The following FHIT variants were observed in gnomAD, a reference collection of about 807,000 sequenced individuals.
FHIT encodes bis(5'-adenosyl)-triphosphatase.
Under a neutral mutation model 17.9 loss-of-function variants are expected in FHIT, and 19 were observed. That is an observed-to-expected ratio of 1.06 (90% CI 0.74 to 1.56). FHIT has a LOEUF of 1.56. Among genes scored for constraint, FHIT ranks in the 40% most tolerant of loss-of-function variants. The pLI is 0.00. For missense variants in FHIT, 248 were observed against 189.2 expected (o/e 1.31, Z -1.82); for synonymous variants, 81 against 69.7 (o/e 1.16, Z -0.81).
intron 3 of FHIT, among the ~76,000 whole-genome samples, chr3:60,958,109 C>G (rs1236026035): frequency 2.0e-5 from 3 of 152,216 alleles, no homozygotes; most frequent in Non-Finnish European, 4.4e-5. Context: ...TTACTACAGA[C>G]TCAATATCAC....
At chr3:60,082,819 C>T (rs1304421482) in intron 5 of FHIT, among the ~76,000 whole-genome samples, 1 of 151,832 alleles carries the variant, frequency 6.6e-6, no homozygotes, top group Non-Finnish European at 1.5e-5. Flanking sequence ...TGTAATAGGG[C>T]TGTTTTTTGC....
At chr3:60,829,529 C>T (rs1303457979) in intron 3 of FHIT, among the ~76,000 whole-genome samples, 1 of 151,948 alleles carries the variant, frequency 6.6e-6, no homozygotes, top group Non-Finnish European at 1.5e-5. Context: ...GCCTCAGCCT[C>T]AAATTATTTG....
intron 3 of FHIT, among the ~76,000 whole-genome samples, chr3:60,831,690 A>G (rs1165092579): frequency 6.6e-6 from 1 of 152,198 alleles, no homozygotes; most frequent in African/African-American, 2.4e-5. Flanking sequence ...TAATTTAATC[A>G]TCCTAACAAC....
intron 1 of FHIT, among the ~76,000 whole-genome samples, chr3:61,213,572 C>A (rs1012022563): frequency 1.3e-5 from 2 of 152,110 alleles, no homozygotes; most frequent in Non-Finnish European, 2.9e-5. Context: ...CTTTAACAAC[C>A]CACTGTCAAC....
chr3:60,989,695 T>C (rs376420110), intron 3 of FHIT, among the ~76,000 whole-genome samples: 4 of 152,328 alleles, frequency 2.6e-5, no homozygotes, highest in Admixed American at 6.5e-5. Context: ...CATTTTTTGC[T>C]AAAGGGGTTA....
chr3:61,064,226 A>T (rs183322439), intron 2 of FHIT, among the ~76,000 whole-genome samples: 1 of 106,022 alleles, frequency 9.4e-6, no homozygotes, highest in Non-Finnish European at 2.4e-5. Context: ...CTTTCCTGAA[A>T]TGGAAAGAGA....
chr3:61,203,777 G>A (rs1443875915), intron 1 of FHIT, among the ~76,000 whole-genome samples: 1 of 152,194 alleles, frequency 6.6e-6, no homozygotes, highest in African/African-American at 2.4e-5. Flanking sequence ...TACTACTTAA[G>A]GCATTAAAGA....
chr3:60,398,176 C>T (rs1041384925), intron 5 of FHIT, among the ~76,000 whole-genome samples: 10 of 152,132 alleles, frequency 6.6e-5, no homozygotes, highest in African/African-American at 2.4e-4. Context: ...TTTTCAAAGT[C>T]TCTACTATAG....
chr3:60,435,267 G>A (rs1199366976), intron 5 of FHIT, among the ~76,000 whole-genome samples: 2 of 152,132 alleles, frequency 1.3e-5, no homozygotes, highest in African/African-American at 4.8e-5. Context: ...TATGCAAATA[G>A]AGCCACCAAC....
At chr3:59,829,229 C>T (rs1317673327) in intron 8 of FHIT, among the ~76,000 whole-genome samples, 2 of 152,102 alleles carry the variant, frequency 1.3e-5, no homozygotes, top group African/African-American at 2.4e-5. Context: ...TTTTCTAGTG[C>T]CTTGGCCTCT....
At chr3:60,430,541 C>T (rs1474123799) in intron 5 of FHIT, among the ~76,000 whole-genome samples, 1 of 152,088 alleles carries the variant, frequency 6.6e-6, no homozygotes, top group East Asian at 1.9e-4. Context: ...CTTTCTTGCA[C>T]TGTTACTTTT....
At chr3:60,157,819 G>A (rs149263047) in intron 5 of FHIT, among the ~76,000 whole-genome samples, 11 of 151,894 alleles carry the variant, frequency 7.2e-5, no homozygotes, top group Non-Finnish European at 1.2e-4. Flanking sequence ...TGTAGAGATC[G>A]GGCAGATTCA....
At chr3:60,698,676 A>G (rs1187299748) in intron 4 of FHIT, among the ~76,000 whole-genome samples, 17 of 152,268 alleles carry the variant, frequency 1.1e-4, no homozygotes, top group African/African-American at 4.1e-4. Flanking sequence ...TAATAGTAAT[A>G]AGCCATGCTT....
chr3:60,409,307 C>A (rs994575079), intron 5 of FHIT, among the ~76,000 whole-genome samples: 8 of 152,082 alleles, frequency 5.3e-5, no homozygotes, highest in Non-Finnish European at 2.9e-5. Context: ...GTAATCATAA[C>A]CCTTTGTTTA....
At chr3:61,188,892 C>T (rs988286782) in intron 2 of FHIT, among the ~76,000 whole-genome samples, 1 of 152,186 alleles carries the variant, frequency 6.6e-6, no homozygotes, top group South Asian at 2.1e-4. Context: ...ACCCTTCATG[C>T]TAAAAACTCT....
chr3:60,637,300 T>C (rs1314988153), intron 4 of FHIT, among the ~76,000 whole-genome samples: 1 of 152,182 alleles, frequency 6.6e-6, no homozygotes, highest in East Asian at 1.9e-4. Flanking sequence ...CCTAAGTAAA[T>C]GCTTTTTGAT....
intron 5 of FHIT, among the ~76,000 whole-genome samples, chr3:60,183,303 C>G (rs146149486): frequency 0.011 from 1,694 of 152,200 alleles, 31 homozygotes; most frequent in African/African-American, 0.039. Context: ...GAGGCTTAGG[C>G]AGGAGAATCA....
At chr3:59,764,522 A>T (rs1395167553) in intron 8 of FHIT, among the ~76,000 whole-genome samples, 1 of 152,202 alleles carries the variant, frequency 6.6e-6, no homozygotes, top group Non-Finnish European at 1.5e-5. Context: ...CTACAAATCC[A>T]TTAAGTTCTG....
chr3:60,294,993 G>A (rs748986974), intron 5 of FHIT, among the ~76,000 whole-genome samples: 1 of 152,172 alleles, frequency 6.6e-6, no homozygotes, highest in African/African-American at 2.4e-5. Flanking sequence ...GAACATTTGT[G>A]TAACGGTTTT....
Sources: gnomAD v4.1 joint callset for allele counts (sites outside exome capture counted in the v4.1 genomes callset) on GRCh38, gnomAD v4.1.1 for gene constraint, MANE v1.5 for transcripts, NCBI Gene and HGNC (gene_info 2026-07-23, HGNC 2026-07-21) for gene names.